The following FHIT variants were observed in gnomAD, a reference collection of about 807,000 sequenced individuals.
FHIT encodes bis(5'-adenosyl)-triphosphatase.
Under a neutral mutation model 17.9 loss-of-function variants are expected in FHIT, and 19 were observed. That is an observed-to-expected ratio of 1.06 (90% confidence interval 0.74 to 1.56). The LOEUF is 1.56. Ranked by LOEUF, FHIT falls within the 40% of genes most tolerant of loss-of-function variation. The pLI is 0.00. For missense variants in FHIT, 248 were observed against 189.2 expected (o/e 1.31, Z -1.82); for synonymous variants, 81 against 69.7 (o/e 1.16, Z -0.81).
intron 3 of FHIT, among the ~76,000 whole-genome samples, chr3:60,950,674 A>G (rs1248259057): frequency 2.0e-5 from 3 of 148,200 alleles, no homozygotes; most frequent in Non-Finnish European, 4.5e-5. Flanking sequence ...GCACCACCAC[A>G]CCTGGCTAAT....
At chr3:59,927,325 T>C (rs1163868025) in intron 7 of FHIT, among the ~76,000 whole-genome samples, 6 of 152,144 alleles carry the variant, frequency 3.9e-5, no homozygotes, top group South Asian at 2.1e-4. Flanking sequence ...AGGGTTTCTT[T>C]TGGGTTAATG....
At position 61,058,760 on chromosome 3, in the gene FHIT, C is replaced by T. The variant is rs571016576; in HGVS notation, c.-163-16661G>A. Among the ~76,000 whole-genome samples the T allele has an allele frequency of 1.1e-4, 17 of 152,280 alleles. 1 individual carries two copies. In the South Asian group the frequency reaches 3.3e-3, roughly 30 times the overall value. On this transcript the variant is annotated intron_variant, in intron 2 of 9. Coordinates refer to ENST00000492590, the MANE Select transcript of FHIT (RefSeq NM_002012.4). ...GTAGTTCTTTATAGCAATGCAAGAA[C>T]GGACTAATGCAGATGGGTCTACAGA...
At chr3:61,084,022 C>T (rs993161324) in intron 2 of FHIT, among the ~76,000 whole-genome samples, 1 of 152,140 alleles carries the variant, frequency 6.6e-6, no homozygotes, top group Non-Finnish European at 1.5e-5. Flanking sequence ...TGAAGACATT[C>T]TATGATGTTA....
At chr3:60,151,035 T>C (rs545742602) in intron 5 of FHIT, among the ~76,000 whole-genome samples, 83 of 152,332 alleles carry the variant, frequency 5.4e-4, no homozygotes, top group African/African-American at 1.9e-3. Context: ...TCACATTGTT[T>C]GTGTGAGTTA....
chr3:60,566,204 G>T (rs183884960), intron 4 of FHIT, among the ~76,000 whole-genome samples: 1 of 152,054 alleles, frequency 6.6e-6, no homozygotes, highest in Non-Finnish European at 1.5e-5. Flanking sequence ...GAATCAGTGC[G>T]GTGCGGTGCT....
chr3:60,381,956 A>T (rs947181640), intron 5 of FHIT, among the ~76,000 whole-genome samples: 7 of 143,384 alleles, frequency 4.9e-5, no homozygotes, highest in African/African-American at 1.8e-4. Flanking sequence ...ACAAGTAGGT[A>T]TTTACATTAA....
chr3:60,258,083 CA>C (rs1311303699), intron 5 of FHIT, among the ~76,000 whole-genome samples: 8 of 148,208 alleles, frequency 5.4e-5, no homozygotes, highest in Non-Finnish European at 3.0e-5. Context: ...CACACACACA[CA>C]CACACACACA....
At position 61,218,976 on chromosome 3, in the gene FHIT, A is replaced by G. The variant is rs140610736; in HGVS notation, c.-212-18311T>C. 1.5e-3 allele frequency among the ~76,000 whole-genome samples: 236 copies of G among 152,310 alleles called. 2 individuals carry two copies. The highest frequency in any genetic ancestry group is 5.3e-3 in the African/African-American group (219 of 41,568). On this transcript the variant is annotated intron_variant, in intron 1 of 9. Transcript: ENST00000492590. The stretch of plus-strand genomic sequence containing the variant: ...AAATGCACCCATAGGTGATTTTGTC[A>G]TTGTGCAAACATCACTGCATGTACT...
At chr3:60,664,471 C>T (rs1553691951) in intron 4 of FHIT, among the ~76,000 whole-genome samples, 1 of 151,864 alleles carries the variant, frequency 6.6e-6, no homozygotes, top group African/African-American at 2.4e-5. Context: ...TTCTTCTTTG[C>T]CTGGTTTTGG....
chr3:59,849,190 G>GTT (rs1701836362), intron 8 of FHIT, among the ~76,000 whole-genome samples: 1 of 152,138 alleles, frequency 6.6e-6, no homozygotes, highest in Non-Finnish European at 1.5e-5. Context: ...GGCCAACATG[G>GTT]TGAAAGCCCA....
At chr3:60,374,099 T>A (rs975460537) in intron 5 of FHIT, among the ~76,000 whole-genome samples, 1 of 152,210 alleles carries the variant, frequency 6.6e-6, no homozygotes, top group South Asian at 2.1e-4. Context: ...TTTTCTTACA[T>A]ATAACACATA....
intron 5 of FHIT, among the ~76,000 whole-genome samples, chr3:60,286,267 A>G (rs1009472931): frequency 3.3e-5 from 5 of 152,104 alleles, no homozygotes; most frequent in Non-Finnish European, 5.9e-5. Context: ...ATCTTTGACT[A>G]TTTTTCTATT....
At chr3:61,077,705 G>C (rs2035014018) in intron 2 of FHIT, among the ~76,000 whole-genome samples, 1 of 152,046 alleles carries the variant, frequency 6.6e-6, no homozygotes, top group Non-Finnish European at 1.5e-5. Flanking sequence ...CTTTTTCAAA[G>C]TCCCTAAGTC....
intron 5 of FHIT, among the ~76,000 whole-genome samples, chr3:60,415,270 AAAT>A (rs1465260951): frequency 6.6e-6 from 1 of 152,220 alleles, no homozygotes; most frequent in East Asian, 1.9e-4. Flanking sequence ...CAATTTAAAA[AAAT>A]AATACTCAAG....
At chr3:59,868,061 A>AC (rs1559680486) in intron 8 of FHIT, among the ~76,000 whole-genome samples, 1 of 151,670 alleles carries the variant, frequency 6.6e-6, no homozygotes, top group African/African-American at 2.4e-5. Flanking sequence ...AAAAAAAAAA[A>AC]AAAAACCTTT....
At chr3:59,987,006 A>G (rs1285247959) in intron 7 of FHIT, among the ~76,000 whole-genome samples, 1 of 125,836 alleles carries the variant, frequency 7.9e-6, no homozygotes, top group Non-Finnish European at 1.6e-5. Context: ...TATATATATT[A>G]AAAAATAAAA....
At chr3:59,876,300 T>C (rs1336918416) in intron 8 of FHIT, among the ~76,000 whole-genome samples, 1 of 152,212 alleles carries the variant, frequency 6.6e-6, no homozygotes, top group African/African-American at 2.4e-5. Flanking sequence ...TTTTCCTAAA[T>C]GGCAATGTGA....
chr3:60,282,084 T>G lies in FHIT; in HGVS notation c.103+254776A>C, dbSNP rs117317014. On this transcript the variant is annotated intron_variant, in intron 5 of 9. Transcript: ENST00000492590. ...ATAATGGTAAAATGGTATAGCCACT[T>G]TGGACTACAGTTTTACAGTTTCTTA... 1.2e-4 allele frequency among the ~76,000 whole-genome samples: 18 copies of G among 152,294 alleles called. No homozygotes were observed. In the East Asian group the frequency reaches 2.7e-3, roughly 23 times the overall value.
chr3:61,020,760 T>C (rs1489645677), intron 3 of FHIT, among the ~76,000 whole-genome samples: 2 of 152,094 alleles, frequency 1.3e-5, no homozygotes, highest in Non-Finnish European at 2.9e-5. Flanking sequence ...GTGGGTGTGC[T>C]GTATCGGTGC....
Sources: allele counts gnomAD v4.1 joint callset (sites outside exome capture counted in the v4.1 genomes callset), GRCh38; gene constraint gnomAD v4.1.1; transcripts MANE v1.5; gene names NCBI Gene and HGNC (gene_info 2026-07-23, HGNC 2026-07-21).